Variants in GSG1L observed in about 807,000 individuals in gnomAD.
GSG1L encodes the protein GSG1 like.
A neutral mutation model predicts 42.1 loss-of-function variants in GSG1L; 24 were observed. The ratio of observed to expected loss-of-function variants is 0.57; its 90% CI spans 0.41 to 0.80. GSG1L has a LOEUF of 0.80. Among genes scored for constraint, GSG1L ranks in the 30% least tolerant of loss-of-function variants. The pLI is 0.00. For synonymous variants in GSG1L, 215 were observed against 203.5 expected, an observed-to-expected ratio of 1.06 and a Z score of -0.48; for missense variants, 445 against 472.2, an observed-to-expected ratio of 0.94 and a Z score of 0.53.
Position 27,924,250 on chromosome 16 carries a change from C to T in GSG1L, c.397+38906G>A, listed in dbSNP as rs1306149927. Among the ~76,000 whole-genome samples the T allele has an allele frequency of 6.6e-5, 10 of 150,960 alleles. No homozygotes were observed. In the South Asian group the frequency reaches 1.0e-3, roughly 16 times the overall value. On this transcript the variant is annotated intron_variant, in intron 2 of 6. Transcript: ENST00000447459. ...TTAGATATACTGTAATACCATTGAT[C>T]GATATATTAAAGAGATATTTATGTA...
intron 1 of GSG1L, among the ~76,000 whole-genome samples, chr16:28,003,022 C>G (rs1356036843): frequency 6.6e-6 from 1 of 152,200 alleles, no homozygotes; most frequent in Non-Finnish European, 1.5e-5. Context: ...TCCAAAAGCC[C>G]TGGGGCAGGA....
chr16:27,948,135 A>G (rs1156999012), intron 2 of GSG1L, among the ~76,000 whole-genome samples: 5 of 152,060 alleles, frequency 3.3e-5, no homozygotes, highest in Non-Finnish European at 7.4e-5. Context: ...TCACCTGGGG[A>G]CAGGAAGTAA....
At chr16:28,039,894 T>C (rs2086087794) in intron 1 of GSG1L, among the ~76,000 whole-genome samples, 2 of 151,798 alleles carry the variant, frequency 1.3e-5, no homozygotes, top group Admixed American at 1.3e-4. Flanking sequence ...AACATGAGTA[T>C]TTATACCTTC....
chr16:27,932,205 A>C (rs2141073667), intron 2 of GSG1L, among the ~76,000 whole-genome samples: 1 of 152,240 alleles, frequency 6.6e-6, no homozygotes, highest in East Asian at 1.9e-4. Flanking sequence ...GGCATGCACC[A>C]CCACACCTGG....
intron 3 of GSG1L, among the ~76,000 whole-genome samples, chr16:27,880,695 C>T (rs924752856): frequency 6.6e-6 from 1 of 152,104 alleles, no homozygotes; most frequent in Admixed American, 6.6e-5. Context: ...AGGAGAGTCC[C>T]CCACTTCCTG....
intron 5 of GSG1L, among the ~76,000 whole-genome samples, chr16:27,817,283 C>A (rs908606932): frequency 1.4e-4 from 21 of 152,188 alleles, no homozygotes; most frequent in African/African-American, 5.1e-4. Context: ...GCCTCCACTG[C>A]CCCTGCTCCA....
chr16:27,793,960 G>T (rs1202265267), intron 6 of GSG1L, among the ~76,000 whole-genome samples: 1 of 152,212 alleles, frequency 6.6e-6, no homozygotes. Context: ...CAGAGACAGT[G>T]CCAATTGTTA....
In GSG1L at chr16:27,840,032, C is replaced by CT. The variant is rs11329489; in HGVS notation, c.662+4917dup. Among the ~76,000 whole-genome samples, 406 of 129,720 alleles carry CT rather than the reference C, an allele frequency of 3.1e-3. 1 individual carries two copies. The highest frequency in any genetic ancestry group is 0.012 in the South Asian group (47 of 3,800). The allele number at this position is 129,720 out of a possible 152,430, so 85.1% of individuals were successfully genotyped here. A position where few individuals can be genotyped will look rare whatever the true frequency, so the allele number is the denominator to read the frequency against. On this transcript the variant is annotated intron_variant, in intron 4 of 6. Transcript: ENST00000447459. Reference sequence around the variant, plus strand: ...ACAAAGTAGGTGTAGTAACCTTAATCTTTTTTTTTTTTTTTTTTTTTGAGA... The same window carrying CT: ...ACAAAGTAGGTGTAGTAACCTTAATCTTTTTTTTTTTTTTTTTTTTTTGAGA...
At chr16:27,823,004 G>C (rs1168262187) in intron 5 of GSG1L, among the ~76,000 whole-genome samples, 1 of 152,154 alleles carries the variant, frequency 6.6e-6, no homozygotes, top group Admixed American at 6.5e-5. Flanking sequence ...TCATTTGTTT[G>C]GCACAGCTGA....
At chr16:28,028,331 C>T (rs2085922973) in intron 1 of GSG1L, among the ~76,000 whole-genome samples, 3 of 152,048 alleles carry the variant, frequency 2.0e-5, no homozygotes, top group African/African-American at 7.2e-5. Context: ...TTATTTTCAT[C>T]CCGATCTTGA....
intron 2 of GSG1L, among the ~76,000 whole-genome samples, chr16:27,933,544 GAGGCTA>G (rs2084679215): frequency 6.6e-6 from 1 of 151,154 alleles, no homozygotes; most frequent in African/African-American, 2.4e-5. Context: ...CACTACTCAG[GAGGCTA>G]AGGCAGGAGG....
chr16:27,914,911 G>A (rs1253282353), intron 2 of GSG1L, among the ~76,000 whole-genome samples: 1 of 152,092 alleles, frequency 6.6e-6, no homozygotes, highest in African/African-American at 2.4e-5. Flanking sequence ...GTGTCTGGAA[G>A]GGACCATAGA....
In GSG1L at chr16:27,789,970, A is replaced by G. The variant is rs886205864; in HGVS notation, c.*1400T>C. On this transcript the variant is annotated 3_prime_UTR_variant, in exon 7 of 7. Transcript: ENST00000447459. ...TGAAAAATGGATGAATGGACAATGG[A>G]CAATAGCTGGATGAGTGATAGATGC... The G allele has an allele frequency of 5.4e-5, 8 of 148,616 alleles. No individual in the cohort carries two copies. The highest frequency in any genetic ancestry group is 1.3e-4 in the African/African-American group (5 of 39,876). The allele number at this position is 148,616 out of a possible 1,614,324, so 9.2% of individuals were successfully genotyped here.
chr16:27,930,193 G>A (rs146055793), intron 2 of GSG1L, among the ~76,000 whole-genome samples: 4 of 151,744 alleles, frequency 2.6e-5, no homozygotes, highest in South Asian at 4.2e-4. Context: ...TAACCTCAAC[G>A]CCTTCACTTC....
At chr16:27,854,964 C>CTGCTTG (rs2083558888) in intron 3 of GSG1L, among the ~76,000 whole-genome samples, 1 of 152,158 alleles carries the variant, frequency 6.6e-6, no homozygotes, top group Non-Finnish European at 1.5e-5. Flanking sequence ...ATTTCTACCC[C>CTGCTTG]AGAAATTCAC....
Position 27,809,475 on chromosome 16 carries a change from G to A in GSG1L, c.831-1921C>T, listed in dbSNP as rs377344398. Among the ~76,000 whole-genome samples, 9 of 152,034 alleles carry A rather than the reference G, an allele frequency of 5.9e-5. 1 individual carries two copies. The South Asian group carries it at 6.2e-4, about 11-fold the overall frequency. On this transcript the variant is annotated intron_variant, in intron 5 of 6. Transcript: ENST00000447459. ...TGCCTCTGGTCTCAGCTACAGTCTC[G>A]GCTGAGGTGGGAGGATCGCTTGAGC...
At position 27,947,742 on chromosome 16, in the gene GSG1L, A is replaced by C. The variant is rs77354918; in HGVS notation, c.397+15414T>G. The stretch of plus-strand genomic sequence containing the variant: ...CCCAGAGACAGGACCCTATTTCTTA[A>C]GGACCGGTATGCAGGAGGCATACTT... On this transcript the variant is annotated intron_variant, in intron 2 of 6. Coordinates refer to ENST00000447459, the MANE Select transcript of GSG1L (RefSeq NM_001109763.2). Among the ~76,000 whole-genome samples the C allele has an allele frequency of 3.8e-3, 586 of 152,228 alleles. 4 individuals carry two copies. The highest frequency in any genetic ancestry group is 0.014 in the African/African-American group (561 of 41,536).
intron 3 of GSG1L, among the ~76,000 whole-genome samples, chr16:27,858,144 G>A (rs577442400): frequency 6.6e-6 from 1 of 152,164 alleles, no homozygotes; most frequent in Non-Finnish European, 1.5e-5. Context: ...GGCAACGCTG[G>A]GACTCCATCC....
chr16:27,933,440 A>G (rs573274336), intron 2 of GSG1L, among the ~76,000 whole-genome samples: 1 of 152,066 alleles, frequency 6.6e-6, no homozygotes, highest in Admixed American at 6.5e-5. Context: ...TGGGGCCAGG[A>G]GTTTTGAGAC....
Sources: allele counts gnomAD v4.1 joint callset (sites outside exome capture counted in the v4.1 genomes callset), GRCh38; gene constraint gnomAD v4.1.1; transcripts MANE v1.5; gene names NCBI Gene and HGNC (gene_info 2026-07-23, HGNC 2026-07-21).